PRKG2: variants seen among roughly 807,000 people sequenced by gnomAD.
PRKG2 encodes protein kinase cGMP-dependent 2.
A neutral mutation model predicts 97.2 loss-of-function variants in PRKG2; 33 were observed. The observed-to-expected ratio is 0.34, with a 90% CI of 0.26 to 0.45. The LOEUF is 0.45. Among genes scored for constraint, PRKG2 ranks in the 20% least tolerant of loss-of-function variants. The pLI is 1.00. For synonymous variants in PRKG2, 330 were observed against 321.8 expected (o/e 1.03, Z -0.27); for missense variants, 638 against 900.0 (o/e 0.71, Z 3.73).
chr4:81,170,487 A>G (rs1750367008), intron 4 of PRKG2, among the ~76,000 whole-genome samples: 1 of 152,118 alleles, frequency 6.6e-6, no homozygotes, highest in Admixed American at 6.6e-5. Context: ...GCTCTGGATT[A>G]CCAAACTTTA....
intron 2 of PRKG2, among the ~76,000 whole-genome samples, chr4:81,185,691 G>C (rs1751819864): frequency 6.6e-6 from 1 of 152,096 alleles, no homozygotes; most frequent in Non-Finnish European, 1.5e-5. Context: ...AAACTGGATA[G>C]AGTCAAGACC....
chr4:81,087,966 T>A lies in PRKG2; in HGVS notation c.*1742A>T, dbSNP rs1170131705. The A allele has an allele frequency of 6.6e-6, 1 of 152,140 alleles. No homozygotes were observed. Among genetic ancestry groups the A allele is most frequent in the Non-Finnish European group, 1.5e-5 (1 of 67,992 alleles). 9.4% of individuals were successfully genotyped at this position (152,140 alleles called of 1,614,324 possible). A position where few individuals can be genotyped will look rare whatever the true frequency, so the allele number is the denominator to read the frequency against. ...TAATATCCACCCAATACATAAATTTTCTATCTTTATAGGTTGGAAATTTAA... is the reference window on the plus strand; with the variant it reads ...TAATATCCACCCAATACATAAATTTACTATCTTTATAGGTTGGAAATTTAA... On this transcript the variant is annotated 3_prime_UTR_variant, in exon 19 of 19. Coordinates refer to ENST00000264399, the MANE Select transcript of PRKG2 (RefSeq NM_006259.3).
intron 2 of PRKG2, among the ~76,000 whole-genome samples, chr4:81,198,505 A>G (rs1383730034): frequency 6.6e-6 from 1 of 151,182 alleles, no homozygotes; most frequent in Non-Finnish European, 1.5e-5. Flanking sequence ...CCTCACCCCC[A>G]CAAAAATAGC....
chr4:81,204,513 G>T, intron 2 of PRKG2, 74 bp downstream of exon 2: 1 of 1,398,154 alleles, frequency 7.2e-7, no homozygotes, highest in South Asian at 1.4e-5. Flanking sequence ...TCATTAAGGA[G>T]GCTTAATAAA....
chr4:81,103,461 G>T (rs1294200988), intron 17 of PRKG2, among the ~76,000 whole-genome samples: 1 of 152,018 alleles, frequency 6.6e-6, no homozygotes, highest in African/African-American at 2.4e-5. Context: ...TGAAATCAAT[G>T]TCCATTACCC....
intron 2 of PRKG2, among the ~76,000 whole-genome samples, chr4:81,183,179 A>C (rs961815510): frequency 2.6e-5 from 4 of 152,196 alleles, no homozygotes; most frequent in Admixed American, 1.3e-4. Flanking sequence ...ATGGATAAAA[A>C]GACTTTTGGG....
chr4:81,102,728 GC>G lies in PRKG2; in HGVS notation c.2126+1641del, dbSNP rs376917799. On this transcript the variant is annotated intron_variant, in intron 17 of 18. Coordinates refer to ENST00000264399, the MANE Select transcript of PRKG2 (RefSeq NM_006259.3). Reference sequence around the variant, plus strand: ...ATGAATTTACAGTATTGAATACATGGCTTTATGTCGAGTAAGTTCATTAACA... The same window carrying G: ...ATGAATTTACAGTATTGAATACATGGTTTATGTCGAGTAAGTTCATTAACA... Among the ~76,000 whole-genome samples the G allele has an allele frequency of 2.4e-3, 370 of 152,142 alleles. 2 individuals carry two copies. Among genetic ancestry groups the G allele is most frequent in the African/African-American group, 8.5e-3 (353 of 41,498 alleles).
chr4:81,171,984 T>C (rs1750518179), intron 3 of PRKG2, among the ~76,000 whole-genome samples, 180 bp from the exon 4 acceptor site: 1 of 151,968 alleles, frequency 6.6e-6, no homozygotes, highest in Non-Finnish European at 1.5e-5. Flanking sequence ...CACTTACTAT[T>C]AGCTGGGTTG....
At chr4:81,100,682 A>C (rs1164778798) in intron 17 of PRKG2, among the ~76,000 whole-genome samples, 1 of 152,202 alleles carries the variant, frequency 6.6e-6, no homozygotes, top group Non-Finnish European at 1.5e-5. Flanking sequence ...TAAAACACCA[A>C]AAGCAATGGC....
chr4:81,113,032 C>G (rs139482186), intron 14 of PRKG2, among the ~76,000 whole-genome samples: 1 of 151,998 alleles, frequency 6.6e-6, no homozygotes, highest in Non-Finnish European at 1.5e-5. Context: ...TGTAAGCATC[C>G]GAGCGGCAGT....
intron 6 of PRKG2, among the ~76,000 whole-genome samples, chr4:81,166,312 T>C (rs4566647): frequency 0.13 from 19,737 of 151,662 alleles, 1,982 homozygotes; most frequent in East Asian, 0.48. Flanking sequence ...GTTTTGGGGG[T>C]TTTTTTTCCT....
chr4:81,148,485 ATGCTT>A (rs1162685443), intron 9 of PRKG2, among the ~76,000 whole-genome samples: 2 of 152,316 alleles, frequency 1.3e-5, no homozygotes, highest in East Asian at 3.9e-4. Flanking sequence ...TATATATTTT[ATGCTT>A]TGAGAGAAGG....
At chr4:81,165,777 C>A (rs1749929597) in intron 6 of PRKG2, among the ~76,000 whole-genome samples, 1 of 152,076 alleles carries the variant, frequency 6.6e-6, no homozygotes, top group African/African-American at 2.4e-5. Context: ...TCTATATATT[C>A]TGTAGCAATT....
intron 1 of PRKG2, among the ~76,000 whole-genome samples, chr4:81,208,958 T>C (rs1267242557): frequency 5.3e-5 from 8 of 152,148 alleles, no homozygotes; most frequent in Admixed American, 2.0e-4. Context: ...TGCAATGAAA[T>C]GCTTAAAACA....
chr4:81,208,050 C>T (rs970186567), intron 1 of PRKG2, among the ~76,000 whole-genome samples: 1 of 152,218 alleles, frequency 6.6e-6, no homozygotes, highest in Middle Eastern at 3.4e-3. Context: ...GCACATGATG[C>T]AATAAGAAAT....
chr4:81,211,032 G>A (rs1450132678), intron 1 of PRKG2, among the ~76,000 whole-genome samples: 1 of 152,086 alleles, frequency 6.6e-6, no homozygotes, highest in Non-Finnish European at 1.5e-5. Flanking sequence ...GTGGTTGCCA[G>A]GAGCTTGGGG....
intron 1 of PRKG2, among the ~76,000 whole-genome samples, chr4:81,206,612 C>T (rs1160955921): frequency 6.6e-6 from 1 of 152,098 alleles, no homozygotes; most frequent in Non-Finnish European, 1.5e-5. Flanking sequence ...AGCATTATAA[C>T]ACTTGTAAAC....
intron 12 of PRKG2, 39 bp from the exon 13 acceptor site, chr4:81,137,521 C>A (rs1355663437): frequency 6.5e-7 from 1 of 1,529,840 alleles, no homozygotes. Context: ...TATTGGAAAT[C>A]TAGTTTAAAA....
intron 2 of PRKG2, among the ~76,000 whole-genome samples, chr4:81,181,376 C>T (rs1292499703): frequency 6.6e-6 from 1 of 151,172 alleles, no homozygotes; most frequent in South Asian, 2.1e-4. Flanking sequence ...TTGTAAGATG[C>T]AGTTAAAATG....
Sources: allele counts gnomAD v4.1 joint callset (sites outside exome capture counted in the v4.1 genomes callset), GRCh38; gene constraint gnomAD v4.1.1; transcripts MANE v1.5; gene names NCBI Gene and HGNC (gene_info 2026-07-23, HGNC 2026-07-21).